The following ANK2 variants were observed in gnomAD, a reference collection of about 807,000 sequenced individuals.
ANK2 encodes the protein ankyrin 2, also known as ankyrin-2.
ANK2 carries 83 observed loss-of-function variants against 360.5 expected under a neutral mutation model. The observed-to-expected ratio is 0.23, with a 90% CI of 0.19 to 0.28. The LOEUF is 0.28. ANK2 is among the 10% of genes least tolerant of loss of function. The pLI is 1.00. For missense variants in ANK2, 4,201 were observed against 4,795.7 expected (o/e 0.88, Z 3.66); for synonymous variants, 1,740 against 1,759.5 (o/e 0.99, Z 0.28).
chr4:112,773,306 G>C, the ANK2 span, among the ~76,000 whole-genome samples: 42 of 152,100 alleles, frequency 2.8e-4, 1 homozygote, highest in Admixed American at 2.7e-3. Flanking sequence ...GACGGAGTGA[G>C]ACCCTGTCTT....
chr4:113,179,695 A>G (rs756723734), intron 2 of ANK2, among the ~76,000 whole-genome samples: 1 of 152,206 alleles, frequency 6.6e-6, no homozygotes. Context: ...ACTCATAAAG[A>G]CTTACTTTCT....
At chr4:112,808,551 G>C in the ANK2 span, among the ~76,000 whole-genome samples, 2 of 152,080 alleles carry the variant, frequency 1.3e-5, no homozygotes, top group Admixed American at 6.6e-5. Flanking sequence ...AGTATTGTAG[G>C]GATGATAATT....
chr4:112,779,376 G>T, the ANK2 span, among the ~76,000 whole-genome samples: 999 of 152,212 alleles, frequency 6.6e-3, 6 homozygotes, highest in African/African-American at 0.022. Context: ...AAAATTAGCC[G>T]GGCGTGGTGA....
chr4:113,188,458 G>A (rs546599311), intron 2 of ANK2, among the ~76,000 whole-genome samples: 17 of 152,092 alleles, frequency 1.1e-4, no homozygotes, highest in Admixed American at 9.2e-4. Flanking sequence ...ACTTATAGGG[G>A]GAAACTTCTT....
rs1244073899 is a variant in ANK2, at chr4:113,382,976, T to A, written c.*1505T>A. On this transcript the variant is annotated 3_prime_UTR_variant, in exon 46 of 46. Coordinates refer to ENST00000357077, the MANE Select transcript of ANK2 (RefSeq NM_001148.6). The stretch of plus-strand genomic sequence containing the variant: ...AGTAATTTCCATGTCCTCTTCCTTA[T>A]TCCTCTAGTGGTTGAAGCTGTGTAG... The A allele has an allele frequency of 6.6e-6, 1 of 152,670 alleles. No homozygotes were observed. The highest frequency in any genetic ancestry group is 1.5e-5 in the Non-Finnish European group (1 of 68,046). The allele number at this position is 152,670 out of a possible 1,614,324, so 9.5% of individuals were successfully genotyped here.
intron 2 of ANK2, among the ~76,000 whole-genome samples, chr4:113,017,777 A>T (rs1579128938): frequency 6.6e-6 from 1 of 152,344 alleles, no homozygotes; most frequent in East Asian, 1.9e-4. Flanking sequence ...GTTTCTATTA[A>T]GTAGGCACTC....
chr4:112,766,319 CA>C, the ANK2 span, among the ~76,000 whole-genome samples: 3,707 of 123,174 alleles, frequency 0.03, 128 homozygotes, highest in African/African-American at 0.093. Context: ...GACTCTGTCT[CA>C]AAAAAAAAAA....
At chr4:112,890,835 G>A (rs1211782001) in intron 1 of ANK2, among the ~76,000 whole-genome samples, 3 of 152,060 alleles carry the variant, frequency 2.0e-5, no homozygotes, top group African/African-American at 7.2e-5. Context: ...CCAAAATGCT[G>A]GGATTACAGG....
chr4:113,026,704 A>G (rs2059357324), intron 2 of ANK2, among the ~76,000 whole-genome samples: 1 of 152,208 alleles, frequency 6.6e-6, no homozygotes, highest in African/African-American at 2.4e-5. Flanking sequence ...AGATCGAAGT[A>G]GCTGGAGAGA....
At chr4:113,142,075 TG>T (rs2096651831) in intron 1 of ANK2, among the ~76,000 whole-genome samples, 1 of 152,212 alleles carries the variant, frequency 6.6e-6, no homozygotes, top group Non-Finnish European at 1.5e-5. Flanking sequence ...CTAATGACTT[TG>T]AAGCATTTTT....
chr4:113,055,292 T>C (rs2069094539), intron 1 of ANK2, among the ~76,000 whole-genome samples: 1 of 152,130 alleles, frequency 6.6e-6, no homozygotes, highest in African/African-American at 2.4e-5. Flanking sequence ...TCCCAGCTAC[T>C]GGGGACTGCT....
At chr4:112,792,325 A>AC in the ANK2 span, among the ~76,000 whole-genome samples, 1 of 152,100 alleles carries the variant, frequency 6.6e-6, no homozygotes, top group African/African-American at 2.4e-5. Context: ...ACAGGTGTGA[A>AC]CCACCGTGCC....
At chr4:113,195,908 T>G (rs2098739533) in intron 2 of ANK2, among the ~76,000 whole-genome samples, 1 of 152,202 alleles carries the variant, frequency 6.6e-6, no homozygotes. Context: ...AAGGTATAAC[T>G]GTTGTCTGTA....
chr4:112,809,952 AAAAT>A, the ANK2 span, among the ~76,000 whole-genome samples: 2 of 151,708 alleles, frequency 1.3e-5, no homozygotes, highest in African/African-American at 4.8e-5. Context: ...TTCAAATATT[AAAAT>A]AAATAGAGAG....
At chr4:113,340,593 G>A (rs2094155333) in intron 32 of ANK2, among the ~76,000 whole-genome samples, 1 of 152,170 alleles carries the variant, frequency 6.6e-6, no homozygotes, top group Non-Finnish European at 1.5e-5. Flanking sequence ...GAACCAGGGA[G>A]GTTGAGGCGG....
At chr4:113,051,192 C>G (rs190656371) in intron 1 of ANK2, among the ~76,000 whole-genome samples, 2 of 151,810 alleles carry the variant, frequency 1.3e-5, no homozygotes, top group African/African-American at 4.8e-5. Flanking sequence ...GAAGAGAGAG[C>G]GCGAGCAAGC....
intron 2 of ANK2, among the ~76,000 whole-genome samples, chr4:112,944,271 G>T (rs1262626395): frequency 6.6e-6 from 1 of 152,080 alleles, no homozygotes; most frequent in East Asian, 1.9e-4. Context: ...TGTTCACTAT[G>T]ATCTTATCCA....
chr4:112,853,492 A>T (rs1456389212), intron 1 of ANK2, among the ~76,000 whole-genome samples: 1 of 152,098 alleles, frequency 6.6e-6, no homozygotes, highest in African/African-American at 2.4e-5. Context: ...GTGAGTCACC[A>T]CGCTCAGCCT....
At chr4:113,149,299 A>C (rs2096948747) in intron 1 of ANK2, 1 of 152,086 alleles carries the variant, frequency 6.6e-6, no homozygotes, top group African/African-American at 2.4e-5. Context: ...TGTGTGAGAG[A>C]ATGAGTGAGA....
Sources: gnomAD v4.1 joint callset for allele counts (sites outside exome capture counted in the v4.1 genomes callset) on GRCh38, gnomAD v4.1.1 for gene constraint, MANE v1.5 for transcripts, NCBI Gene and HGNC (gene_info 2026-07-23, HGNC 2026-07-21) for gene names.